The following MAN1C1 variants were observed in gnomAD, a reference collection of about 807,000 sequenced individuals.
MAN1C1 encodes mannosyl-oligosaccharide 1,2-alpha-mannosidase IC.
MAN1C1 carries 49 observed loss-of-function variants against 71.5 expected under a neutral mutation model. The observed-to-expected ratio is 0.69, with a 90% CI of 0.54 to 0.87. The LOEUF is 0.87. Ranked by LOEUF, MAN1C1 falls within the 40% of genes least tolerant of loss-of-function variation. The pLI is 0.00. For missense variants in MAN1C1, 743 were observed against 835.0 expected (o/e 0.89, Z 1.36); for synonymous variants, 352 against 343.7 (o/e 1.02, Z -0.27).
At chr1:25,682,180 G>C (rs896221776) in intron 1 of MAN1C1, among the ~76,000 whole-genome samples, 1 of 152,150 alleles carries the variant, frequency 6.6e-6, no homozygotes, top group Non-Finnish European at 1.5e-5. Context: ...TCCCAACTTA[G>C]TCCTTAGCTG....
chr1:25,617,711 C>A lies in MAN1C1; in HGVS notation c.-87C>A. 1.5e-6 allele frequency: 2 copies of A among 1,323,340 alleles called. No homozygotes were observed. The allele number at this position is 1,323,340 out of a possible 1,614,324, so 82.0% of individuals were successfully genotyped here. A position where few individuals can be genotyped will look rare whatever the true frequency, so the allele number is the denominator to read the frequency against. ...CCTGCCCAGGGACCCCCATCCCGGG[C>A]GGCGCTCCGGACGCCCTCCCCTCAC... On this transcript the variant is annotated 5_prime_UTR_variant, in exon 1 of 12. Coordinates refer to ENST00000374332, the MANE Select transcript of MAN1C1 (RefSeq NM_020379.4). The surrounding 1 kb of genome is among the most constrained non-coding windows in gnomAD (Gnocchi z 5.1).
intron 1 of MAN1C1, among the ~76,000 whole-genome samples, chr1:25,653,795 G>A (rs1203391627): frequency 1.3e-5 from 2 of 152,166 alleles, no homozygotes; most frequent in African/African-American, 4.8e-5. Flanking sequence ...GCAGGGCCAG[G>A]TCGGGGCGGG....
rs2047239223 is a variant in MAN1C1, at chr1:25,753,145, C to T, written c.835-339C>T. Among the ~76,000 whole-genome samples the T allele has an allele frequency of 6.6e-6, 1 of 152,186 alleles. No individual in the cohort carries two copies. The highest frequency in any genetic ancestry group is 1.5e-5 in the Non-Finnish European group (1 of 68,036). On this transcript the variant is annotated intron_variant, in intron 4 of 11. Coordinates refer to ENST00000374332, the MANE Select transcript of MAN1C1 (RefSeq NM_020379.4). This position sits in a 1 kb window ranked among gnomAD's most constrained non-coding sequence, Gnocchi z 4.9. ...CTCACTGCTTTCTCCCTCATCTTCC[C>T]AGTGGCTGCCCCATCCCAATAAGCA...
intron 1 of MAN1C1, among the ~76,000 whole-genome samples, chr1:25,621,641 TA>T (rs547375502): frequency 7.1e-4 from 108 of 152,144 alleles, no homozygotes; most frequent in African/African-American, 2.5e-3. Context: ...GTTTTTTTTT[TA>T]AGACGGAGTC....
intron 2 of MAN1C1, among the ~76,000 whole-genome samples, chr1:25,745,665 A>T (rs747415252): frequency 6.6e-6 from 1 of 152,218 alleles, no homozygotes; most frequent in African/African-American, 2.4e-5. Flanking sequence ...TATTAGCTAC[A>T]ACTAATCTTG....
At chr1:25,689,922 G>C (rs1013064680) in intron 2 of MAN1C1, among the ~76,000 whole-genome samples, 2 of 152,184 alleles carry the variant, frequency 1.3e-5, no homozygotes, top group African/African-American at 4.8e-5. Flanking sequence ...GGCTGTGTGC[G>C]GGGAAGGGTA....
At chr1:25,651,522 C>T (rs937384514) in intron 1 of MAN1C1, among the ~76,000 whole-genome samples, 6 of 152,224 alleles carry the variant, frequency 3.9e-5, no homozygotes, top group African/African-American at 1.4e-4. Flanking sequence ...ACCAAGTCTC[C>T]TCAAAGAAGT....
intron 4 of MAN1C1, among the ~76,000 whole-genome samples, chr1:25,751,621 C>G (rs1406001100): frequency 6.6e-6 from 1 of 152,232 alleles, no homozygotes; most frequent in Admixed American, 6.5e-5. Flanking sequence ...GCCCTCTGGC[C>G]ACACCTTCCT....
chr1:25,753,430 G>C lies in MAN1C1; in HGVS notation c.835-54G>C. ...TCCTGCCTGCAGCAGTTCTGGGGTTGACCTTCCCTCACCCAGCCTGGAGTC... is the reference window on the plus strand; with the variant it reads ...TCCTGCCTGCAGCAGTTCTGGGGTTCACCTTCCCTCACCCAGCCTGGAGTC... On this transcript the variant is annotated intron_variant, in intron 4 of 11. Coordinates refer to ENST00000374332, the MANE Select transcript of MAN1C1 (RefSeq NM_020379.4). This position sits in a 1 kb window ranked among gnomAD's most constrained non-coding sequence, Gnocchi z 4.9. 3 of 1,424,606 alleles carry C rather than the reference G, an allele frequency of 2.1e-6. No homozygotes were observed. The South Asian group carries it at 3.7e-5, about 18-fold the overall frequency. The allele number at this position is 1,424,606 out of a possible 1,614,324, so 88.2% of individuals were successfully genotyped here. A position where few individuals can be genotyped will look rare whatever the true frequency, so the allele number is the denominator to read the frequency against.
intron 4 of MAN1C1, among the ~76,000 whole-genome samples, chr1:25,750,502 A>G (rs1490330975): frequency 6.6e-6 from 1 of 152,076 alleles, no homozygotes; most frequent in Non-Finnish European, 1.5e-5. Context: ...CAAGCCACAG[A>G]ATAATCCCTC....
In MAN1C1 at chr1:25,773,401, G is replaced by T. The variant is rs147797174; in HGVS notation, c.1257+1629G>T. Among the ~76,000 whole-genome samples, 1,254 of 152,310 alleles carry T rather than the reference G, an allele frequency of 8.2e-3. 12 individuals carry two copies. Among genetic ancestry groups the T allele is most frequent in the South Asian group, 0.02 (99 of 4,830 alleles). ...ATTGAAACGGACTGCTAGAGCCATG[G>T]ACCCTTTAAACTGTAGGCTCAGTAA... On this transcript the variant is annotated intron_variant, in intron 8 of 11. Coordinates refer to ENST00000374332, the MANE Select transcript of MAN1C1 (RefSeq NM_020379.4).
At chr1:25,620,495 AC>A (rs1210983269) in intron 1 of MAN1C1, among the ~76,000 whole-genome samples, 2 of 152,072 alleles carry the variant, frequency 1.3e-5, no homozygotes, top group Non-Finnish European at 2.9e-5. Context: ...CTGCTGTCCC[AC>A]CCCAGGAAGA....
At chr1:25,644,516 ATATTTTT>A (rs1210562208) in intron 1 of MAN1C1, 15 of 72,316 alleles carry the variant, frequency 2.1e-4, no homozygotes, top group Non-Finnish European at 3.3e-4. Context: ...ATATATATAT[ATATTTTT>A]TTTTTTTTTT....
intron 1 of MAN1C1, among the ~76,000 whole-genome samples, chr1:25,679,955 A>AT (rs1553185879): frequency 1.2e-5 from 1 of 83,264 alleles, no homozygotes; most frequent in African/African-American, 6.4e-5. Context: ...AAAAAAATAT[A>AT]TATATATATA....
At chr1:25,727,911 T>A (rs757785744) in intron 2 of MAN1C1, among the ~76,000 whole-genome samples, 1 of 152,216 alleles carries the variant, frequency 6.6e-6, no homozygotes, top group African/African-American at 2.4e-5. Context: ...TGCAGACACA[T>A]GACAAGGCTT....
chr1:25,629,900 C>T (rs566333467), intron 1 of MAN1C1, among the ~76,000 whole-genome samples: 1 of 152,208 alleles, frequency 6.6e-6, no homozygotes, highest in South Asian at 2.1e-4. Flanking sequence ...AACGAGATCC[C>T]ATTTATTGAT....
At chr1:25,620,511 A>G (rs72873777) in intron 1 of MAN1C1, among the ~76,000 whole-genome samples, 1,536 of 152,318 alleles carry the variant, frequency 0.01, 34 homozygotes, top group African/African-American at 0.035. Flanking sequence ...GGAAGAACGC[A>G]TATGATGGTT....
chr1:25,738,557 C>T (rs563421470), intron 2 of MAN1C1, among the ~76,000 whole-genome samples: 1 of 152,136 alleles, frequency 6.6e-6, no homozygotes, highest in Non-Finnish European at 1.5e-5. Context: ...AGAAAGGGCA[C>T]AACAGGGGAC....
At chr1:25,698,321 C>A (rs1287283646) in intron 2 of MAN1C1, among the ~76,000 whole-genome samples, 3 of 152,188 alleles carry the variant, frequency 2.0e-5, no homozygotes, top group African/African-American at 7.2e-5. Flanking sequence ...CTGGCCCCAC[C>A]ACTAACTCAC....
Sources: allele counts gnomAD v4.1 joint callset (sites outside exome capture counted in the v4.1 genomes callset), GRCh38; gene constraint gnomAD v4.1.1; non-coding constraint Gnocchi (gnomAD v3.1); transcripts MANE v1.5; gene names NCBI Gene and HGNC (gene_info 2026-07-23, HGNC 2026-07-21).